The following HAPSTR1 variants were observed in gnomAD, a reference collection of about 807,000 sequenced individuals.
HAPSTR1 encodes the protein HUWE1-associated protein modifying stress responses 1.
At chr16:9,093,051 C>T in the HAPSTR1 span, 1 of 1,526,622 alleles carries the variant, frequency 6.6e-7, no homozygotes, top group Middle Eastern at 2.1e-4. Flanking sequence ...CCGCCTGCGT[C>T]AGGGTGTCTG....
the HAPSTR1 span, among the ~76,000 whole-genome samples, chr16:9,098,407 C>T: frequency 1.3e-5 from 2 of 152,220 alleles, no homozygotes; most frequent in African/African-American, 4.8e-5. Flanking sequence ...TAAGTAAATA[C>T]ATAAGTAGCT....
At chr16:9,091,647 C>T in the HAPSTR1 span, 1 of 397,898 alleles carries the variant, frequency 2.5e-6, no homozygotes. Flanking sequence ...CGACGTTGCT[C>T]AGTCTTGGGG....
chr16:9,093,242 G>T, the HAPSTR1 span, among the ~76,000 whole-genome samples: 42 of 152,044 alleles, frequency 2.8e-4, no homozygotes, highest in Admixed American at 7.2e-4. Context: ...CTCCTAGAAG[G>T]GGCTGTTGTT....
chr16:9,120,143 A>G, the HAPSTR1 span: 1 of 152,200 alleles, frequency 6.6e-6, no homozygotes, highest in Non-Finnish European at 1.5e-5. Flanking sequence ...TGACTGAGGT[A>G]TTTAGTCATG....
At chr16:9,092,252 G>A in the HAPSTR1 span, 76 of 1,570,334 alleles carry the variant, frequency 4.8e-5, no homozygotes, top group Non-Finnish European at 6.4e-5. Flanking sequence ...GGCCACCGCC[G>A]TGGCCCAGCT....
At chr16:9,099,925 C>G in the HAPSTR1 span, among the ~76,000 whole-genome samples, 3 of 152,196 alleles carry the variant, frequency 2.0e-5, no homozygotes, top group Non-Finnish European at 4.4e-5. Context: ...ATTTTAAATA[C>G]TTCACCATTT....
the HAPSTR1 span, chr16:9,091,662 C>T: frequency 5.0e-6 from 2 of 398,154 alleles, no homozygotes; most frequent in Admixed American, 8.8e-5. Context: ...TTGGGGTGGG[C>T]TCCGCGGTGC....
At chr16:9,095,936 C>T in the HAPSTR1 span, among the ~76,000 whole-genome samples, 2 of 151,984 alleles carry the variant, frequency 1.3e-5, no homozygotes, top group African/African-American at 2.4e-5. Flanking sequence ...CTTCAATATT[C>T]AGTAGTATCC....
the HAPSTR1 span, chr16:9,118,947 A>T: frequency 3.3e-5 from 5 of 152,634 alleles, no homozygotes; most frequent in Admixed American, 3.3e-4. Flanking sequence ...TAATCTCAGT[A>T]CCCTTTACTC....
chr16:9,096,514 TCAGTGTGGC>T, the HAPSTR1 span, among the ~76,000 whole-genome samples: 1 of 152,212 alleles, frequency 6.6e-6, no homozygotes, highest in African/African-American at 2.4e-5. Flanking sequence ...ATGTCTCACT[TCAGTGTGGC>T]CATTTTGGAC....
At chr16:9,092,191 C>A in the HAPSTR1 span, 5 of 1,582,960 alleles carry the variant, frequency 3.2e-6, no homozygotes, top group Non-Finnish European at 4.3e-6. Context: ...CGGCGGCCGC[C>A]GCGCAGCCCG....
At chr16:9,115,712 T>G in the HAPSTR1 span, among the ~76,000 whole-genome samples, 1 of 152,140 alleles carries the variant, frequency 6.6e-6, no homozygotes, top group South Asian at 2.1e-4. Context: ...CCTCCCGGGT[T>G]CAAGCGATTC....
At chr16:9,102,072 A>G in the HAPSTR1 span, among the ~76,000 whole-genome samples, 3 of 152,268 alleles carry the variant, frequency 2.0e-5, no homozygotes, top group African/African-American at 7.2e-5. Context: ...AGATCGAGCC[A>G]TCGCACTACA....
chr16:9,101,379 C>G, the HAPSTR1 span, among the ~76,000 whole-genome samples: 1 of 152,240 alleles, frequency 6.6e-6, no homozygotes, highest in Non-Finnish European at 1.5e-5. Context: ...AGTTACTTCA[C>G]TCTTGAGCTG....
At chr16:9,121,562 G>A in the HAPSTR1 span, 31 of 104,610 alleles carry the variant, frequency 3.0e-4, no homozygotes, top group African/African-American at 1.6e-3. Context: ...ACCTAGGTAA[G>A]TTTGCCTCTC....
chr16:9,103,005 G>T, the HAPSTR1 span: 1 of 1,613,774 alleles, frequency 6.2e-7, no homozygotes, highest in Non-Finnish European at 8.5e-7. Context: ...ACCCATCAAC[G>T]AAGTTTTGAT....
At chr16:9,120,673 CTTTTTTTTTTTT>C in the HAPSTR1 span, 2 of 100,626 alleles carry the variant, frequency 2.0e-5, no homozygotes, top group Admixed American at 1.2e-4. Flanking sequence ...ATGGTGAAAT[CTTTTTTTTTTTT>C]TTTTTTTTTT....
the HAPSTR1 span, among the ~76,000 whole-genome samples, chr16:9,098,176 TA>T: frequency 6.6e-6 from 1 of 152,050 alleles, no homozygotes. Flanking sequence ...CTACTAAAAA[TA>T]AAAGATTAAC....
At chr16:9,094,028 G>T in the HAPSTR1 span, among the ~76,000 whole-genome samples, 537 of 152,176 alleles carry the variant, frequency 3.5e-3, 4 homozygotes, top group African/African-American at 0.012. Context: ...GTTGAAACGG[G>T]CTATGAAGGT....
Sources: gnomAD v4.1 joint callset for allele counts (sites outside exome capture counted in the v4.1 genomes callset) on GRCh38, gnomAD v4.1.1 for gene constraint, MANE v1.5 for transcripts, NCBI Gene and HGNC (gene_info 2026-07-23, HGNC 2026-07-21) for gene names.